Variants in CR2 observed in about 807,000 individuals in gnomAD.
The protein encoded by CR2 is complement receptor type 2.
Under a neutral mutation model 123.0 loss-of-function variants are expected in CR2, and 96 were observed. The ratio of observed to expected loss-of-function variants is 0.78; its 90% CI spans 0.66 to 0.93. CR2 has a LOEUF of 0.93. Among genes scored for constraint, CR2 ranks in the 40% least tolerant of loss-of-function variants. CR2 has a pLI of 0.00. For synonymous variants in CR2, 484 were observed against 469.5 expected (o/e 1.03, Z -0.40); for missense variants, 1,258 against 1,361.0 (o/e 0.92, Z 1.19).
At chr1:207,474,440 T>A (rs1658378858) in intron 13 of CR2, 117 bp downstream of exon 13, 1 of 787,052 alleles carries the variant, frequency 1.3e-6, no homozygotes, top group Non-Finnish European at 2.2e-6. Flanking sequence ...CATTGGAGGT[T>A]AGATAAGAAA....
intron 2 of CR2, 144 bp from the exon 3 acceptor site, chr1:207,468,383 G>A (rs1299961487): frequency 1.4e-6 from 1 of 734,976 alleles, no homozygotes; most frequent in Non-Finnish European, 2.3e-6. Context: ...TATCATTAGT[G>A]TTAGCGTATA....
chr1:207,473,959 C>T, intron 12 of CR2, 74 bp downstream of exon 12: 1 of 1,391,816 alleles, frequency 7.2e-7, no homozygotes, highest in Non-Finnish European at 1.0e-6. Context: ...TTCAACTTGT[C>T]TTGGTGGCAT....
intron 13 of CR2, among the ~76,000 whole-genome samples, chr1:207,474,533 C>T (rs763254937): frequency 3.3e-5 from 5 of 152,140 alleles, no homozygotes; most frequent in Non-Finnish European, 7.4e-5. Context: ...GCTAATTTTG[C>T]TAACAATAAC....
chr1:207,479,268 C>T lies in CR2; in HGVS notation c.3100C>T (p.Pro1034Ser), dbSNP rs1558196448. The change falls in exon 17 of 20, where the codon CCT becomes TCT. Residue 1034 changes from proline to serine, a missense_variant. Pro to Ser is a moderately conservative substitution (Grantham distance 74, BLOSUM62 -1). Coordinates refer to ENST00000367057, the MANE Select transcript of CR2 (RefSeq NM_001006658.3). ...LAVCRSRSLA[P>S]VLCGIAAGLI... ...TGTACTATTTTTAGGTTCACTTGCTCCTGTCCTTTGTGGTAAGTCTTCTTA... is the reference window on the plus strand; with the variant it reads ...TGTACTATTTTTAGGTTCACTTGCTTCTGTCCTTTGTGGTAAGTCTTCTTA... 6.3e-7 allele frequency: 1 copy of T among 1,598,710 alleles called. No individual in the cohort carries two copies. The highest frequency in any genetic ancestry group is 8.6e-7 in the Non-Finnish European group (1 of 1,166,616).
At chr1:207,461,385 T>A (rs987887866) in intron 1 of CR2, among the ~76,000 whole-genome samples, 1 of 152,324 alleles carries the variant, frequency 6.6e-6, no homozygotes, top group East Asian at 1.9e-4. Flanking sequence ...ACTTTCTCCA[T>A]CTCTGAAGTC....
chr1:207,485,702 A>G (rs1229020143), intron 19 of CR2, 130 bp downstream of exon 19: 4 of 656,356 alleles, frequency 6.1e-6, no homozygotes, highest in South Asian at 3.5e-5. Context: ...GTAATCATGC[A>G]TAGCAATTGT....
intron 2 of CR2, among the ~76,000 whole-genome samples, chr1:207,467,290 A>G (rs1194366331): frequency 2.0e-5 from 3 of 151,864 alleles, no homozygotes; most frequent in African/African-American, 7.3e-5. Context: ...AAATACACCC[A>G]ATGGATTTGA....
intron 1 of CR2, chr1:207,455,055 C>A (rs1430471700): frequency 1.3e-5 from 2 of 152,348 alleles, no homozygotes; most frequent in Non-Finnish European, 2.9e-5. Context: ...ATTTTTGAGA[C>A]ATGGATTAAA....
Position 207,474,807 on chromosome 1 carries a change from C to G in CR2, c.2324-17C>G. On this transcript the variant is annotated splice_polypyrimidine_tract_variant and intron_variant, in intron 13 of 19. Coordinates refer to ENST00000367057, the MANE Select transcript of CR2 (RefSeq NM_001006658.3). ...GAGGTACTAGCTGAAGTAGAACTCC[C>G]TAAATCTCTTCTGCAGTTATTCACT... 6.2e-7 allele frequency: 1 copy of G among 1,613,816 alleles called. No homozygotes were observed. The highest frequency in any genetic ancestry group is 8.5e-7 in the Non-Finnish European group (1 of 1,179,830).
At chr1:207,459,995 T>C (rs1657927242) in intron 1 of CR2, among the ~76,000 whole-genome samples, 1 of 152,222 alleles carries the variant, frequency 6.6e-6, no homozygotes, top group South Asian at 2.1e-4. Flanking sequence ...CCCTTCTGCT[T>C]TTGCTATTTC....
At position 207,470,137 on chromosome 1, in the gene CR2, A is replaced by G. The variant is rs1428942133; in HGVS notation, c.1225+35A>G. The G allele has an allele frequency of 1.9e-6, 3 of 1,611,610 alleles. 1 individual carries two copies. The highest frequency in any genetic ancestry group is 4.0e-4 in the Middle Eastern group (2 of 4,960). On this transcript the variant is annotated intron_variant, in intron 6 of 19. Transcript: ENST00000367057. ...CCGGTACTCAGAAAAGGTGCTTCTG[A>G]TTCGTTTCTGAAAAATTAGAAGAAG...
rs376278193 is a variant in CR2, at chr1:207,470,975, T to C, written c.1403-22T>C. ...TTTAAGATTGCCTTGAATTAAATTC[T>C]CATCCTAGTCTCTTTTCTTAGTGGC... On this transcript the variant is annotated intron_variant, in intron 7 of 19. Coordinates refer to ENST00000367057, the MANE Select transcript of CR2 (RefSeq NM_001006658.3). 7.4e-6 allele frequency: 12 copies of C among 1,613,870 alleles called. No individual in the cohort carries two copies. The Admixed American group carries it at 2.0e-4, about 27-fold the overall frequency.
intron 2 of CR2, among the ~76,000 whole-genome samples, chr1:207,468,046 A>C (rs1344426358): frequency 6.6e-6 from 1 of 152,234 alleles, no homozygotes; most frequent in Non-Finnish European, 1.5e-5. Context: ...ATTTTTCACA[A>C]GGCAAATGTA....
chr1:207,472,555 TCAAC>T (rs1658310852), intron 9 of CR2, among the ~76,000 whole-genome samples: 1 of 152,210 alleles, frequency 6.6e-6, no homozygotes. Flanking sequence ...GTGATGTTGA[TCAAC>T]CACATTCACT....
intron 13 of CR2, 34 bp downstream of exon 13, chr1:207,474,357 A>G (rs1658374487): frequency 6.8e-7 from 1 of 1,474,502 alleles, no homozygotes; most frequent in Non-Finnish European, 9.5e-7. Flanking sequence ...TGACAATGGT[A>G]ATGGAGGATT....
At chr1:207,455,784 C>A (rs761613455) in intron 1 of CR2, among the ~76,000 whole-genome samples, 10 of 152,174 alleles carry the variant, frequency 6.6e-5, no homozygotes, top group Non-Finnish European at 1.3e-4. Context: ...AACTGAAAAT[C>A]AAATTCTTCA....
chr1:207,488,419 A>T (rs1658805641), intron 19 of CR2, among the ~76,000 whole-genome samples: 1 of 152,096 alleles, frequency 6.6e-6, no homozygotes. Flanking sequence ...AGTTCAGGAG[A>T]TCGAGAACAT....
chr1:207,467,614 T>G (rs1478516718), intron 2 of CR2, among the ~76,000 whole-genome samples: 1 of 152,194 alleles, frequency 6.6e-6, no homozygotes, highest in Non-Finnish European at 1.5e-5. Context: ...TTGACAAATT[T>G]TAAGCAGATT....
At chr1:207,461,510 A>C (rs1470991643) in intron 1 of CR2, among the ~76,000 whole-genome samples, 1 of 152,110 alleles carries the variant, frequency 6.6e-6, no homozygotes, top group Non-Finnish European at 1.5e-5. Context: ...TTTCATTCTA[A>C]AGATCAAAGT....
Sources: allele counts gnomAD v4.1 joint callset (sites outside exome capture counted in the v4.1 genomes callset), GRCh38; gene constraint gnomAD v4.1.1; transcripts MANE v1.5; gene names NCBI Gene and HGNC (gene_info 2026-07-23, HGNC 2026-07-21).